FAT4: variants seen among roughly 807,000 people sequenced by gnomAD.
FAT4 encodes the protein protocadherin Fat 4.
FAT4 carries 84 observed loss-of-function variants against 303.9 expected under a neutral mutation model. That is an observed-to-expected ratio of 0.28 (90% confidence interval 0.23 to 0.33). FAT4 has a LOEUF of 0.33. Ranked by LOEUF, FAT4 falls within the 10% of genes least tolerant of loss-of-function variation. The pLI is 1.00. For missense variants in FAT4, 6,005 were observed against 6,146.8 expected, an observed-to-expected ratio of 0.98 and a Z score of 0.77; for synonymous variants, 2,307 against 2,298.8, an observed-to-expected ratio of 1.00 and a Z score of -0.10.
intron 2 of FAT4, among the ~76,000 whole-genome samples, chr4:125,379,806 C>A (rs373523664): frequency 7.0e-6 from 1 of 143,620 alleles, no homozygotes; most frequent in African/African-American, 2.5e-5. Flanking sequence ...GAACTTATTT[C>A]ATACCTTGTA....
At chr4:125,463,755 CA>C (rs1382603144) in intron 11 of FAT4, 88 bp downstream of exon 11, 2 of 629,846 alleles carry the variant, frequency 3.2e-6, no homozygotes, top group Non-Finnish European at 5.2e-6. Context: ...TATGAAAGAC[CA>C]AAAAATTATT....
intron 3 of FAT4, among the ~76,000 whole-genome samples, chr4:125,406,237 C>A (rs1027138914): frequency 3.0e-4 from 45 of 152,132 alleles, no homozygotes; most frequent in African/African-American, 1.0e-3. Flanking sequence ...TTCCCAACAC[C>A]CCTTGTTGAA....
At chr4:125,334,607 T>C (rs1053585417) in intron 2 of FAT4, among the ~76,000 whole-genome samples, 23 of 152,336 alleles carry the variant, frequency 1.5e-4, no homozygotes, top group Admixed American at 5.9e-4. Flanking sequence ...TGTTTGACAG[T>C]TTCAGGAGAT....
chr4:125,438,616 G>A lies in FAT4; in HGVS notation c.7199+4191G>A, dbSNP rs1324498713. Among the ~76,000 whole-genome samples the A allele has an allele frequency of 5.3e-5, 8 of 152,162 alleles. No homozygotes were observed. In the South Asian group the frequency reaches 8.3e-4, roughly 16 times the overall value. ...TGAAAATTGAAGCTATTTTTGTCTT[G>A]TGAATAAAAAACATTCAATTCACTT... is the stretch of plus-strand genomic sequence containing the variant. On this transcript the variant is annotated intron_variant, in intron 8 of 17. Transcript: ENST00000394329.
At chr4:125,335,376 A>T (rs996415810) in intron 2 of FAT4, among the ~76,000 whole-genome samples, 2 of 152,060 alleles carry the variant, frequency 1.3e-5, no homozygotes, top group Non-Finnish European at 2.9e-5. Flanking sequence ...ATTGAGCAGT[A>T]TTAACGTAGG....
At position 125,318,775 on chromosome 4, in the gene FAT4, C is replaced by T; in HGVS notation, c.2364C>T (p.Asp788=). ...IVTITVLDTQ[D]NPPVFSQVAY... ...CCATCACTGTATTGGACACTCAAGA[C>T]AACCCACCTGTATTCAGTCAGGTTG... Residue 788 remains aspartate, a synonymous_variant, in exon 2 of 18, where the codon GAC becomes GAT. Coordinates refer to ENST00000394329, the MANE Select transcript of FAT4 (RefSeq NM_001291303.3). 1 of 1,614,144 alleles carries T rather than the reference C, an allele frequency of 6.2e-7. No homozygotes were observed. The highest frequency in any genetic ancestry group is 1.6e-4 in the Middle Eastern group (1 of 6,062).
intron 7 of FAT4, among the ~76,000 whole-genome samples, chr4:125,419,778 A>G (rs1009461366): frequency 2.0e-5 from 3 of 152,108 alleles, no homozygotes; most frequent in African/African-American, 4.8e-5. Flanking sequence ...TGCATTTAGT[A>G]TCATCACATT....
intron 7 of FAT4, among the ~76,000 whole-genome samples, chr4:125,422,223 A>G (rs1012021053): frequency 5.9e-5 from 9 of 152,244 alleles, no homozygotes; most frequent in African/African-American, 1.9e-4. Context: ...TGCCTAGAAG[A>G]TGATAATATT....
At chr4:125,396,576 A>G (rs1015431061) in intron 2 of FAT4, among the ~76,000 whole-genome samples, 1 of 152,054 alleles carries the variant, frequency 6.6e-6, no homozygotes, top group African/African-American at 2.4e-5. Flanking sequence ...ACATACTTAC[A>G]TAAACACACG....
In FAT4 at chr4:125,318,207, G is replaced by T; in HGVS notation, c.1796G>T (p.Gly599Val). 1 of 1,614,184 alleles carries T rather than the reference G, an allele frequency of 6.2e-7. No homozygotes were observed. The highest frequency in any genetic ancestry group is 8.5e-7 in the Non-Finnish European group (1 of 1,180,038). ...DVSVVENAPT[G>V]TELLMLRATD... ...TCTGTGGTTGAGAATGCCCCAACAG[G>T]GACAGAACTGTTGATGCTCAGGGCA... Residue 599 changes from glycine (G) to valine (V), a missense_variant, in exon 2 of 18, where the codon GGG becomes GTG. Transcript: ENST00000394329.
intron 7 of FAT4, among the ~76,000 whole-genome samples, chr4:125,424,374 T>C (rs1240428167): frequency 6.6e-6 from 1 of 152,150 alleles, no homozygotes; most frequent in African/African-American, 2.4e-5. Flanking sequence ...GCACATCTCA[T>C]TTTTCTCTCT....
chr4:125,376,728 G>A (rs991374855), intron 2 of FAT4, among the ~76,000 whole-genome samples: 13 of 151,814 alleles, frequency 8.6e-5, no homozygotes, highest in Admixed American at 6.6e-4. Flanking sequence ...AGAGAAACCC[G>A]GTCTCTACTA....
intron 6 of FAT4, 124 bp downstream of exon 6, chr4:125,415,930 T>C (rs1735039408): frequency 9.7e-6 from 7 of 720,256 alleles, no homozygotes; most frequent in Admixed American, 6.3e-5. Context: ...AAATGCTCAA[T>C]TGCAGATACA....
chr4:125,409,115 T>C (rs1309588910), intron 5 of FAT4, among the ~76,000 whole-genome samples: 1 of 152,070 alleles, frequency 6.6e-6, no homozygotes, highest in African/African-American at 2.4e-5. Context: ...TTTTGTTAGA[T>C]AAATAAAAAT....
intron 2 of FAT4, among the ~76,000 whole-genome samples, chr4:125,375,514 G>C (rs1733278471): frequency 6.6e-6 from 1 of 152,160 alleles, no homozygotes; most frequent in Non-Finnish European, 1.5e-5. Flanking sequence ...TGGTGAGAGA[G>C]GTTTCTGGGA....
At chr4:125,356,797 A>G (rs1369484463) in intron 2 of FAT4, among the ~76,000 whole-genome samples, 1 of 149,370 alleles carries the variant, frequency 6.7e-6, no homozygotes, top group Non-Finnish European at 1.5e-5. Context: ...TATAATAAAT[A>G]TAAGATATGA....
intron 2 of FAT4, among the ~76,000 whole-genome samples, chr4:125,366,909 G>T (rs1287139328): frequency 6.6e-6 from 1 of 151,880 alleles, no homozygotes; most frequent in Non-Finnish European, 1.5e-5. Flanking sequence ...TTTTTGAAAA[G>T]TGTCTGTTCA....
At chr4:125,353,722 C>T (rs1732320756) in intron 2 of FAT4, among the ~76,000 whole-genome samples, 1 of 151,560 alleles carries the variant, frequency 6.6e-6, no homozygotes, top group Non-Finnish European at 1.5e-5. Flanking sequence ...TATAATATGA[C>T]TTATATGCAT....
intron 2 of FAT4, among the ~76,000 whole-genome samples, chr4:125,346,633 T>C (rs1030857820): frequency 2.0e-5 from 3 of 152,014 alleles, no homozygotes; most frequent in African/African-American, 7.2e-5. Context: ...CATTGCGACT[T>C]GAGTGAACAT....
Sources: gnomAD v4.1 joint callset for allele counts (sites outside exome capture counted in the v4.1 genomes callset) on GRCh38, gnomAD v4.1.1 for gene constraint, MANE v1.5 for transcripts, NCBI Gene and HGNC (gene_info 2026-07-23, HGNC 2026-07-21) for gene names.